Variants in INTS14 observed in about 807,000 individuals in gnomAD.
INTS14 encodes the protein UPF0464 protein C15orf44.
Under a neutral mutation model 56.9 loss-of-function variants are expected in INTS14, and 27 were observed. That is an observed-to-expected ratio of 0.47 (90% CI 0.35 to 0.65). The LOEUF is 0.65. INTS14 is among the 30% of genes least tolerant of loss of function. The probability of loss-of-function intolerance (pLI) is 0.00; values close to 1 mark genes in which losing one functional copy is unlikely to be tolerated. For synonymous variants in INTS14, 207 were observed against 236.2 expected, an observed-to-expected ratio of 0.88 and a Z score of 1.13; for missense variants, 517 against 632.2, an observed-to-expected ratio of 0.82 and a Z score of 1.95.
intron 9 of INTS14, 21 bp from the exon 10 acceptor site, chr15:65,584,909 T>C (rs2141253977): frequency 6.3e-7 from 1 of 1,591,008 alleles, no homozygotes; most frequent in South Asian, 1.1e-5. Flanking sequence ...AAGACATTCT[T>C]GAAATGACAT....
chr15:65,581,547 CAAAAAAAAAAAAAAA>C (rs57782914), intron 11 of INTS14, among the ~76,000 whole-genome samples: 4 of 47,734 alleles, frequency 8.4e-5, no homozygotes, highest in Non-Finnish European at 1.1e-4. Flanking sequence ...GACTCCATCT[CAAAAAAAAAAAAAAA>C]AAAAAAAAAA....
intron 1 of INTS14, among the ~76,000 whole-genome samples, chr15:65,609,960 T>A (rs1231108303): frequency 6.6e-6 from 1 of 151,922 alleles, no homozygotes; most frequent in Non-Finnish European, 1.5e-5. Context: ...GACTCCCAAA[T>A]GCACCTCATT....
intron 10 of INTS14, among the ~76,000 whole-genome samples, chr15:65,583,479 G>C (rs1009566229): frequency 2.0e-5 from 3 of 152,148 alleles, no homozygotes; most frequent in Non-Finnish European, 4.4e-5. Flanking sequence ...ATCTAGAATA[G>C]GTAAGTCCAT....
chr15:65,608,110 T>A (rs915535523), intron 1 of INTS14, among the ~76,000 whole-genome samples: 2 of 152,200 alleles, frequency 1.3e-5, no homozygotes, highest in African/African-American at 4.8e-5. Flanking sequence ...GCACAGTGGC[T>A]CATGCCTGTA....
intron 3 of INTS14, among the ~76,000 whole-genome samples, chr15:65,602,714 G>T (rs1487778977): frequency 6.6e-6 from 1 of 151,476 alleles, no homozygotes; most frequent in Non-Finnish European, 1.5e-5. Context: ...GCCCAGGGTG[G>T]AGTGCGATGG....
In INTS14 at chr15:65,589,330, G is replaced by C. The variant is rs1474984535; in HGVS notation, c.1120+2268C>G. Among the ~76,000 whole-genome samples the C allele has an allele frequency of 2.6e-5, 4 of 152,136 alleles. No individual in the cohort carries two copies. In the East Asian group the frequency reaches 7.7e-4, roughly 29 times the overall value. On this transcript the variant is annotated intron_variant, in intron 9 of 11. Coordinates refer to ENST00000313182, the MANE Select transcript of INTS14 (RefSeq NM_001394796.1). ...ACACCACCATGCCCAGCAAATTTTT[G>C]TATTTTTGGTAGAGATAGGGTTTCG... is the stretch of plus-strand genomic sequence containing the variant.
At chr15:65,598,513 A>G in intron 5 of INTS14, 50 bp from the exon 6 acceptor site, 2 of 1,559,684 alleles carry the variant, frequency 1.3e-6, no homozygotes, top group Non-Finnish European at 8.7e-7. Context: ...GATACATATG[A>G]AGTTAATTTT....
chr15:65,600,067 G>C lies in INTS14; in HGVS notation c.331-138C>G, dbSNP rs112772891. 8 of 933,300 alleles carry C rather than the reference G, an allele frequency of 8.6e-6. No individual in the cohort carries two copies. In the African/African-American group the frequency reaches 1.2e-4, roughly 14 times the overall value. 57.8% of individuals were successfully genotyped at this position (933,300 alleles called of 1,614,324 possible). On this transcript the variant is annotated intron_variant, in intron 3 of 11. Transcript: ENST00000313182. ...TCAAGCCTGTAATCCCAGTGCTTTG[G>C]GAGGCCAAGGCAGGACTGCTTAAGC... is the stretch of plus-strand genomic sequence containing the variant.
intron 10 of INTS14, among the ~76,000 whole-genome samples, chr15:65,583,731 A>C (rs1442831325): frequency 6.6e-6 from 1 of 152,232 alleles, no homozygotes; most frequent in African/African-American, 2.4e-5. Context: ...GTGAAGATTC[A>C]AACAAAAAAA....
rs1259965392 is a variant in INTS14 at position 65,595,743 on chromosome 15, T to C, written c.831A>G (p.Ala277=). 1.2e-6 allele frequency: 2 copies of C among 1,607,250 alleles called. No individual in the cohort carries two copies. Among genetic ancestry groups the C allele is most frequent in the East Asian group, 2.2e-5 (1 of 44,498 alleles). The change falls in exon 7 of 12, where the codon GCA becomes GCG. Residue 277 remains alanine (A), a synonymous_variant. Transcript: ENST00000313182. ...GGAATAGGAACTCACCTTTGTTAAGTGCTATAGGTAAGACCAGATGTCTGG... is the reference window on the plus strand; with the variant it reads ...GGAATAGGAACTCACCTTTGTTAAGCGCTATAGGTAAGACCAGATGTCTGG... The part of the protein sequence containing the change: ...VLSRHLVLPI[A]LNKEGDEVGT...
intron 6 of INTS14, among the ~76,000 whole-genome samples, chr15:65,596,204 G>C (rs2073205552): frequency 6.6e-6 from 1 of 152,172 alleles, no homozygotes; most frequent in African/African-American, 2.4e-5. Flanking sequence ...GAAGAATAAA[G>C]CTATTGTATT....
chr15:65,604,704 T>C (rs1233898740), intron 3 of INTS14, among the ~76,000 whole-genome samples: 3 of 132,046 alleles, frequency 2.3e-5, no homozygotes, highest in Non-Finnish European at 4.6e-5. Context: ...CACTCCAGCC[T>C]GGGCAACAAA....
At chr15:65,582,631 G>A (rs978354465) in intron 10 of INTS14, among the ~76,000 whole-genome samples, 3 of 152,142 alleles carry the variant, frequency 2.0e-5, no homozygotes, top group East Asian at 3.8e-4. Context: ...AAATCTTTAT[G>A]ACTTTGGATT....
rs1328019270 is a variant in INTS14 at position 65,578,818 on chromosome 15, A to C, written c.*590T>G. On this transcript the variant is annotated 3_prime_UTR_variant, in exon 12 of 12. Transcript: ENST00000313182. ...AATATTTTATTTTCATTAAAAAAAAACCTTGAATAATAGGAATCATTTTAC... is the reference window on the plus strand; with the variant it reads ...AATATTTTATTTTCATTAAAAAAAACCCTTGAATAATAGGAATCATTTTAC... 3.3e-5 allele frequency: 5 copies of C among 152,216 alleles called. No homozygotes were observed. The highest frequency in any genetic ancestry group is 4.8e-5 in the African/African-American group (2 of 41,462). 9.4% of individuals were successfully genotyped at this position (152,216 alleles called of 1,614,324 possible). A position where few individuals can be genotyped will look rare whatever the true frequency, so the allele number is the denominator to read the frequency against.
At chr15:65,590,555 G>C (rs1170339527) in intron 9 of INTS14, among the ~76,000 whole-genome samples, 3 of 152,174 alleles carry the variant, frequency 2.0e-5, no homozygotes, top group African/African-American at 7.2e-5. Flanking sequence ...TGCCCAGGAT[G>C]CCCTTTCTTC....
rs550299318 is a variant in INTS14, at chr15:65,607,127, C to G, written c.222+32G>C. ...GTTTTCCTCCCAATAAATTTAGGCC[C>G]TGTACATACAATAACTTACTACATT... On this transcript the variant is annotated intron_variant, in intron 2 of 11. Coordinates refer to ENST00000313182, the MANE Select transcript of INTS14 (RefSeq NM_001394796.1). The G allele has an allele frequency of 5.1e-5, 82 of 1,609,512 alleles. No homozygotes were observed. In the South Asian group the frequency reaches 8.5e-4, roughly 17 times the overall value.
At position 65,579,697 on chromosome 15, in the gene INTS14, G is replaced by A. The variant is rs376350647; in HGVS notation, c.1306-38C>T. ...AGAAAATCACCAATGCTCCTGAAATGTGTTCCTAACACATACTTTCTAAGT... is the reference window on the plus strand; with the variant it reads ...AGAAAATCACCAATGCTCCTGAAATATGTTCCTAACACATACTTTCTAAGT... On this transcript the variant is annotated intron_variant, in intron 11 of 11. Transcript: ENST00000313182. The A allele has an allele frequency of 2.1e-5, 34 of 1,598,322 alleles. No individual in the cohort carries two copies. The African/African-American group carries it at 4.0e-4, about 19-fold the overall frequency.
intron 2 of INTS14, among the ~76,000 whole-genome samples, chr15:65,606,542 A>C (rs989641118): frequency 3.3e-5 from 5 of 151,854 alleles, no homozygotes; most frequent in African/African-American, 1.2e-4. Flanking sequence ...GGCGTGAGCC[A>C]CCACACCTGG....
At chr15:65,606,030 C>T (rs1279948006) in intron 2 of INTS14, among the ~76,000 whole-genome samples, 5 of 150,980 alleles carry the variant, frequency 3.3e-5, no homozygotes, top group African/African-American at 7.3e-5. Context: ...CCGAGGCGGG[C>T]GGATCATGAG....
Sources: allele counts gnomAD v4.1 joint callset (sites outside exome capture counted in the v4.1 genomes callset), GRCh38; gene constraint gnomAD v4.1.1; transcripts MANE v1.5; gene names NCBI Gene and HGNC (gene_info 2026-07-23, HGNC 2026-07-21).